ZSCAN18: variants seen among roughly 807,000 people sequenced by gnomAD.
ZSCAN18 encodes the protein zinc finger and SCAN domain-containing protein 18.
ZSCAN18 carries 16 observed loss-of-function variants against 31.1 expected under a neutral mutation model. The ratio of observed to expected loss-of-function variants is 0.51; its 90% CI spans 0.35 to 0.78. The LOEUF (loss-of-function observed/expected upper bound fraction) is 0.78. ZSCAN18 is among the 30% of genes least tolerant of loss of function. The pLI, the probability that ZSCAN18 is intolerant of heterozygous loss-of-function variation, is 0.01. For synonymous variants in ZSCAN18, 375 were observed against 320.7 expected (o/e 1.17, Z -1.81); for missense variants, 731 against 697.4 (o/e 1.05, Z -0.54).
chr19:58,099,964 GT>G (rs55769261), upstream of ZSCAN18, among the ~76,000 whole-genome samples: 99 of 136,082 alleles, frequency 7.3e-4, no homozygotes, highest in East Asian at 5.4e-3. Flanking sequence ...TGAAAGCTAT[GT>G]TTTTTTTTTT....
At position 58,089,968 on chromosome 19, in the gene ZSCAN18, G is replaced by A. The variant is rs1215003001; in HGVS notation, c.300C>T (p.Ile100=). The A allele has an allele frequency of 6.2e-7, 1 of 1,614,016 alleles. No homozygotes were observed. The highest frequency in any genetic ancestry group is 8.5e-7 in the Non-Finnish European group (1 of 1,180,046). ...ELLVLEQFLG[I]LPDKVRPWVV... ...CCCAGGGCCGGACCTTATCAGGCAGGATGCCCAGGAACTGCTCCAGCACCA... is the reference window on the plus strand; with the variant it reads ...CCCAGGGCCGGACCTTATCAGGCAGAATGCCCAGGAACTGCTCCAGCACCA... Residue 100 remains isoleucine, a synonymous_variant, in exon 2 of 7, where the codon ATC becomes ATT. Transcript: ENST00000601144.
chr19:58,114,872 C>T (rs1450003161), intron 1 of ZSCAN18, among the ~76,000 whole-genome samples: 1 of 152,088 alleles, frequency 6.6e-6, no homozygotes, highest in Admixed American at 6.6e-5. Flanking sequence ...ATTCCAGGAT[C>T]ATCATTCATT....
intron 1 of ZSCAN18, among the ~76,000 whole-genome samples, chr19:58,111,273 C>T (rs964676986): frequency 2.6e-5 from 4 of 152,172 alleles, no homozygotes; most frequent in Admixed American, 1.3e-4. Flanking sequence ...ATTGCACCAT[C>T]CACATGCTCT....
intron 1 of ZSCAN18, among the ~76,000 whole-genome samples, chr19:58,117,012 C>A (rs185921103): frequency 6.6e-6 from 1 of 152,174 alleles, no homozygotes; most frequent in South Asian, 2.1e-4. Flanking sequence ...CTCAGCCTCC[C>A]GAGCAGCTGG....
intron 5 of ZSCAN18, 32 bp from the exon 6 acceptor site, chr19:58,086,298 G>A: frequency 6.2e-7 from 1 of 1,604,170 alleles, no homozygotes; most frequent in Non-Finnish European, 8.5e-7. Flanking sequence ...AGAAATAAAA[G>A]GCATCAACAC....
intron 1 of ZSCAN18, among the ~76,000 whole-genome samples, chr19:58,110,410 G>A (rs970050620): frequency 6.6e-6 from 1 of 151,920 alleles, no homozygotes; most frequent in Admixed American, 6.6e-5. Context: ...AACCCACTCG[G>A]CCCCTCTGAA....
intron 1 of ZSCAN18, chr19:58,108,685 C>A: frequency 2.0e-6 from 2 of 985,424 alleles, no homozygotes; most frequent in Non-Finnish European, 2.4e-6. Context: ...GTATTCATTT[C>A]CAGAGATACT....
intron 1 of ZSCAN18, among the ~76,000 whole-genome samples, chr19:58,096,944 C>G (rs1194049886): frequency 6.6e-6 from 1 of 152,220 alleles, no homozygotes; most frequent in East Asian, 1.9e-4. Flanking sequence ...TCCTGCGCAA[C>G]TGGCCTAGGC....
chr19:58,087,458 C>T, intron 3 of ZSCAN18, 54 bp from the exon 4 acceptor site: 1 of 1,522,960 alleles, frequency 6.6e-7, no homozygotes, highest in Middle Eastern at 1.8e-4. Context: ...GGCCAGGTGC[C>T]CTCAAGGGTC....
chr19:58,100,538 T>C (rs1234517287), upstream of ZSCAN18, among the ~76,000 whole-genome samples: 1 of 152,164 alleles, frequency 6.6e-6, no homozygotes, highest in Non-Finnish European at 1.5e-5. Context: ...AACGGGCTCC[T>C]TATGAATTGC....
chr19:58,092,699 C>T (rs2074438343), intron 1 of ZSCAN18: 9 of 984,256 alleles, frequency 9.1e-6, no homozygotes, highest in Non-Finnish European at 1.1e-5. Context: ...AGACATTCTA[C>T]ACAAGCTTCC....
chr19:58,089,120 G>A (rs1303311195), intron 2 of ZSCAN18, among the ~76,000 whole-genome samples: 6 of 150,790 alleles, frequency 4.0e-5, no homozygotes, highest in East Asian at 3.9e-4. Context: ...CGGCTAAAAC[G>A]GTGAAACCCC....
chr19:58,114,184 C>G (rs774455914), intron 1 of ZSCAN18, among the ~76,000 whole-genome samples: 2 of 152,110 alleles, frequency 1.3e-5, no homozygotes, highest in Admixed American at 1.3e-4. Flanking sequence ...AGGAGAATCA[C>G]TTGAACCTGG....
intron 4 of ZSCAN18, 147 bp from the exon 5 acceptor site, chr19:58,087,155 A>G (rs754916941): frequency 1.2e-4 from 124 of 1,006,862 alleles, no homozygotes; most frequent in Non-Finnish European, 1.7e-4. Flanking sequence ...CCCCCTTCGC[A>G]CCACAAAGAT....
upstream of ZSCAN18, among the ~76,000 whole-genome samples, chr19:58,102,485 CA>C (rs1555802627): frequency 3.3e-5 from 5 of 151,856 alleles, no homozygotes; most frequent in Non-Finnish European, 5.9e-5. Context: ...AACAAACAAA[CA>C]AACAAACCAT....
chr19:58,087,139 A>G, intron 4 of ZSCAN18, 131 bp from the exon 5 acceptor site: 1 of 986,278 alleles, frequency 1.0e-6, no homozygotes, highest in Non-Finnish European at 1.5e-6. Flanking sequence ...GCACTGCAGG[A>G]GGCAGCCCCC....
chr19:58,084,448 T>A lies in ZSCAN18; in HGVS notation c.*237A>T. The stretch of plus-strand genomic sequence containing the variant: ...CAGGAAAGCCGAGTCTTCTTCCACA[T>A]CCGGCGGCTCCCCTCGGATGCGAGC... On this transcript the variant is annotated 3_prime_UTR_variant, in exon 7 of 7. Transcript: ENST00000601144. This position sits in a 1 kb window ranked among gnomAD's most constrained non-coding sequence, Gnocchi z 4.5. 1 of 442,606 alleles carries A rather than the reference T, an allele frequency of 2.3e-6. No homozygotes were observed. The allele number at this position is 442,606 out of a possible 1,614,324, so 27.4% of individuals were successfully genotyped here. A position where few individuals can be genotyped will look rare whatever the true frequency, so the allele number is the denominator to read the frequency against.
Position 58,088,749 on chromosome 19 carries a change from G to A in ZSCAN18, c.492C>T (p.Gly164=), listed in dbSNP as rs61746987. The change falls in exon 3 of 7, where the codon GGC becomes GGT. Residue 164 remains glycine, a synonymous_variant. Transcript: ENST00000601144. ...ERHMDPLLLP[G]ELASPSQALG... Reference sequence around the variant, plus strand: ...GGGCCTGGCTGGGGCTCGCGAGCTCGCCTGGTAGCAGCAGAGGGTCCATGT... The same window carrying A: ...GGGCCTGGCTGGGGCTCGCGAGCTCACCTGGTAGCAGCAGAGGGTCCATGT... The A allele has an allele frequency of 7.3e-5, 118 of 1,608,554 alleles. No individual in the cohort carries two copies. The highest frequency in any genetic ancestry group is 4.0e-4 in the Admixed American group (24 of 59,996).
chr19:58,109,040 G>A (rs2074658062), intron 1 of ZSCAN18: 25 of 1,221,690 alleles, frequency 2.0e-5, no homozygotes, highest in Non-Finnish European at 2.5e-5. Flanking sequence ...CATGAAGCTA[G>A]GACTGAGCAG....
Sources: allele counts gnomAD v4.1 joint callset (sites outside exome capture counted in the v4.1 genomes callset), GRCh38; gene constraint gnomAD v4.1.1; non-coding constraint Gnocchi (gnomAD v3.1); transcripts MANE v1.5; gene names NCBI Gene and HGNC (gene_info 2026-07-23, HGNC 2026-07-21).